Variants in DNAH14 observed in about 807,000 individuals in gnomAD.
DNAH14 encodes axonemal beta dynein heavy chain 14.
A neutral mutation model predicts 520.9 loss-of-function variants in DNAH14; 478 were observed. The ratio of observed to expected loss-of-function variants is 0.92; its 90% confidence interval spans 0.85 to 0.99. The LOEUF (loss-of-function observed/expected upper bound fraction) is 0.99, where lower values mean the gene tolerates loss of function less well. Ranked by LOEUF, DNAH14 falls within the 50% of genes least tolerant of loss-of-function variation. DNAH14 has a pLI of 0.00. For missense variants in DNAH14, 4,831 were observed against 5,234.5 expected, an observed-to-expected ratio of 0.92 and a Z score of 2.38; for synonymous variants, 1,581 against 1,757.2, an observed-to-expected ratio of 0.90 and a Z score of 2.51.
intron 82 of DNAH14, 111 bp from the exon 83 acceptor site, chr1:225,389,623 G>C: frequency 1.6e-6 from 2 of 1,244,756 alleles, no homozygotes. Context: ...TGCATTGGGG[G>C]AATCGAAATG....
chr1:225,186,509 T>G (rs546367647), intron 37 of DNAH14, among the ~76,000 whole-genome samples: 1 of 151,978 alleles, frequency 6.6e-6, no homozygotes, highest in East Asian at 1.9e-4. Context: ...AAAAACAGTT[T>G]TTTAAGTACA....
At chr1:225,055,048 C>CT (rs375011200) in intron 17 of DNAH14, among the ~76,000 whole-genome samples, 3,726 of 147,726 alleles carry the variant, frequency 0.025, 119 homozygotes, top group African/African-American at 0.078. Context: ...TGACCTCCCT[C>CT]TTTTTTTTTT....
chr1:225,222,594 A>T (rs1482691723), intron 41 of DNAH14, among the ~76,000 whole-genome samples: 1 of 152,066 alleles, frequency 6.6e-6, no homozygotes, highest in Non-Finnish European at 1.5e-5. Context: ...CATTTTACAG[A>T]GTGCTGATTG....
chr1:225,344,808 A>T (rs2095262016), intron 69 of DNAH14, among the ~76,000 whole-genome samples: 2 of 151,942 alleles, frequency 1.3e-5, no homozygotes, highest in South Asian at 4.1e-4. Context: ...TCCACCTCCC[A>T]GGTTCAAGTG....
chr1:225,353,741 T>C (rs2095398713), intron 72 of DNAH14, 62 bp from the exon 73 acceptor site: 3 of 863,856 alleles, frequency 3.5e-6, no homozygotes, highest in Non-Finnish European at 5.4e-6. Context: ...CATTGTGATA[T>C]GTTTTAATGA....
Position 225,258,126 on chromosome 1 carries a change from A to AGG in DNAH14, c.7024+8_7024+9insGG, listed in dbSNP as rs1234150237. On this transcript the variant is annotated intron_variant, in intron 45 of 85. Coordinates refer to ENST00000682510, the MANE Select transcript of DNAH14 (RefSeq NM_001367479.1). ...GCCCTGTACTTCTCACAGGTATTACAAATATTTAATAGAAGGAGAATTTCA... is the reference window on the plus strand; with the variant it reads ...GCCCTGTACTTCTCACAGGTATTACAGGAATATTTAATAGAAGGAGAATTTCA... 2 of 1,484,932 alleles carry AGG rather than the reference A, an allele frequency of 1.3e-6. No homozygotes were observed. The highest frequency in any genetic ancestry group is 2.9e-5 in the African/African-American group (2 of 68,682). The allele number at this position is 1,484,932 out of a possible 1,614,324, so 92.0% of individuals were successfully genotyped here. A position where few individuals can be genotyped will look rare whatever the true frequency, so the allele number is the denominator to read the frequency against.
intron 8 of DNAH14, among the ~76,000 whole-genome samples, chr1:224,980,324 G>A (rs954609354): frequency 6.6e-6 from 1 of 152,178 alleles, no homozygotes; most frequent in African/African-American, 2.4e-5. Context: ...AGCCCTTGGT[G>A]AACATCAGTG....
intron 23 of DNAH14, among the ~76,000 whole-genome samples, chr1:225,107,367 G>A (rs1431131776): frequency 6.6e-6 from 1 of 152,142 alleles, no homozygotes; most frequent in Non-Finnish European, 1.5e-5. Context: ...ATCTCCAGCT[G>A]CGTACTGCTT....
Position 225,051,725 on chromosome 1 carries a change from A to G in DNAH14, c.2354A>G (p.Asp785Gly). The change falls in exon 17 of 86, where the codon GAC becomes GGC. Residue 785 changes from aspartate (D) to glycine (G), a missense_variant. Transcript: ENST00000682510. ...DYQSECLLYIDNVIHMSHTLI... is the reference protein window; with the variant it reads ...DYQSECLLYIGNVIHMSHTLI... ...CAATCAGAATGCTTACTGTATATTG[A>G]CAACGTCATACATATGAGCCACACC... 1 of 1,550,794 alleles carries G rather than the reference A, an allele frequency of 6.4e-7. No homozygotes were observed. The highest frequency in any genetic ancestry group is 2.5e-5 in the East Asian group (1 of 40,794).
rs142384115 is a variant in DNAH14, at chr1:225,113,892, G to T, written c.3868-3792G>T. On this transcript the variant is annotated intron_variant, in intron 23 of 85. Transcript: ENST00000682510. ...CTTGAGGGTAATGGACTCCATTCTAGCCCAGGGCAGGTGCAGAAATGCCAT... is the reference window on the plus strand; with the variant it reads ...CTTGAGGGTAATGGACTCCATTCTATCCCAGGGCAGGTGCAGAAATGCCAT... 7.0e-3 allele frequency among the ~76,000 whole-genome samples: 1,069 copies of T among 152,198 alleles called. 7 individuals carry two copies. The highest frequency in any genetic ancestry group is 0.024 in the African/African-American group (1,002 of 41,526).
chr1:225,291,742 T>C (rs901302263), intron 55 of DNAH14, among the ~76,000 whole-genome samples: 1 of 152,190 alleles, frequency 6.6e-6, no homozygotes, highest in African/African-American at 2.4e-5. Flanking sequence ...CATTTGCTAT[T>C]TTTTGTCTAT....
chr1:225,388,102 G>C (rs1339429997), intron 81 of DNAH14, among the ~76,000 whole-genome samples: 1 of 152,040 alleles, frequency 6.6e-6, no homozygotes, highest in Admixed American at 6.6e-5. Flanking sequence ...GAGGAAAGGA[G>C]GTGAGGAAAT....
At chr1:225,043,810 A>G (rs2067696500) in intron 14 of DNAH14, 21 bp downstream of exon 14, 1 of 1,461,642 alleles carries the variant, frequency 6.8e-7, no homozygotes, top group African/African-American at 1.4e-5. Context: ...GACATTTTAA[A>G]AATTACGAGT....
intron 49 of DNAH14, among the ~76,000 whole-genome samples, chr1:225,267,711 C>T (rs1020542384): frequency 1.3e-5 from 2 of 152,068 alleles, no homozygotes; most frequent in African/African-American, 4.8e-5. Context: ...ACTTTCTAGG[C>T]CTCAGATTCC....
chr1:225,120,884 C>A (rs931303511), intron 26 of DNAH14, among the ~76,000 whole-genome samples: 3 of 152,160 alleles, frequency 2.0e-5, no homozygotes, highest in South Asian at 2.1e-4. Flanking sequence ...CAATGATAGT[C>A]CTATCTCTTC....
rs548780275 is a variant in DNAH14 at position 225,324,254 on chromosome 1, A to T, written c.9528A>T (p.Leu3176Phe). 9.4e-5 allele frequency: 146 copies of T among 1,551,650 alleles called. 3 individuals carry two copies. In the South Asian group the frequency reaches 1.7e-3, roughly 18 times the overall value. The change falls in exon 63 of 86, where the codon TTA becomes TTT. Residue 3176 changes from leucine to phenylalanine, a missense_variant. By Grantham distance (22) the Leu-to-Phe change is conservative. Transcript: ENST00000682510. ...VFVKLKKIVTLPDFNPHKISL... is the reference protein window; with the variant it reads ...VFVKLKKIVTFPDFNPHKISL... ...TGAAGCTAAAAAAAATTGTAACCTTACCTGATTTCAACCCACACAAGATTT... is the reference window on the plus strand; with the variant it reads ...TGAAGCTAAAAAAAATTGTAACCTTTCCTGATTTCAACCCACACAAGATTT...
chr1:225,242,567 G>C (rs746272102), intron 43 of DNAH14, among the ~76,000 whole-genome samples: 4 of 152,082 alleles, frequency 2.6e-5, no homozygotes, highest in Non-Finnish European at 4.4e-5. Context: ...ACACAGAGCT[G>C]TCATCTCCTA....
intron 1 of DNAH14, among the ~76,000 whole-genome samples, chr1:224,950,270 CT>C (rs920306147): frequency 5.9e-5 from 9 of 151,792 alleles, no homozygotes; most frequent in African/African-American, 1.5e-4. Context: ...ACAAGTTGTC[CT>C]TTTTTTATGT....
chr1:225,276,088 A>G lies in DNAH14; in HGVS notation c.8178+7A>G, dbSNP rs536100205. 1 of 265,754 alleles carries G rather than the reference A, an allele frequency of 3.8e-6. No homozygotes were observed. Among genetic ancestry groups the G allele is most frequent in the Admixed American group, 5.2e-5 (1 of 19,284 alleles). The allele number at this position is 265,754 out of a possible 1,614,324, so 16.5% of individuals were successfully genotyped here. A position where few individuals can be genotyped will look rare whatever the true frequency, so the allele number is the denominator to read the frequency against. On this transcript the variant is annotated splice_region_variant and intron_variant, in intron 53 of 85. Transcript: ENST00000682510. ...GGGTTCAATTTCTTTGGAGGTAAACATATATACTATATAAAAATCTGAGGA... is the reference window on the plus strand; with the variant it reads ...GGGTTCAATTTCTTTGGAGGTAAACGTATATACTATATAAAAATCTGAGGA...
Sources: gnomAD v4.1 joint callset for allele counts (sites outside exome capture counted in the v4.1 genomes callset) on GRCh38, gnomAD v4.1.1 for gene constraint, MANE v1.5 for transcripts, NCBI Gene and HGNC (gene_info 2026-07-23, HGNC 2026-07-21) for gene names.